The following FSIP1 variants were observed in gnomAD, a reference collection of about 807,000 sequenced individuals.
FSIP1 encodes fibrous sheath interacting protein 1, also known as fibrous sheath-interacting protein 1.
A neutral mutation model predicts 60.9 loss-of-function variants in FSIP1; 65 were observed. The observed-to-expected ratio is 1.07, with a 90% confidence interval of 0.87 to 1.31. FSIP1 has a LOEUF of 1.31. FSIP1 is among the 40% of genes most tolerant of loss of function. The pLI is 0.00. For synonymous variants in FSIP1, 209 were observed against 221.2 expected (o/e 0.94, Z 0.49); for missense variants, 675 against 665.5 (o/e 1.01, Z -0.16).
chr15:39,727,893 T>C (rs1328366456), intron 8 of FSIP1, among the ~76,000 whole-genome samples: 2 of 152,160 alleles, frequency 1.3e-5, no homozygotes, highest in African/African-American at 2.4e-5. Context: ...AACCCCATAG[T>C]CTCTGATCAA....
At chr15:39,668,687 G>A (rs1032747011) in intron 10 of FSIP1, among the ~76,000 whole-genome samples, 17 of 152,206 alleles carry the variant, frequency 1.1e-4, no homozygotes, top group South Asian at 1.0e-3. Flanking sequence ...CAGAGCCAGA[G>A]AGAACATGAA....
chr15:39,750,378 A>T (rs1300774201), intron 5 of FSIP1, among the ~76,000 whole-genome samples: 3 of 152,136 alleles, frequency 2.0e-5, no homozygotes, highest in Non-Finnish European at 4.4e-5. Flanking sequence ...TCACACAGAA[A>T]GGTGATCAAA....
chr15:39,617,760 G>A lies in FSIP1; in HGVS notation c.1674C>T (p.Leu558=). ...CTGCTATTGTATTCTCTGGAGAACT[G>A]AGTTTCAGATGTTGGTCTTCTGATG... is the stretch of plus-strand genomic sequence containing the variant. ...SLSSEDQHLK[L]SSPENTIADE... Residue 558 remains leucine (L), a synonymous_variant, in exon 11 of 12, where the codon CTC becomes CTT. Coordinates refer to ENST00000350221, the MANE Select transcript of FSIP1 (RefSeq NM_152597.5). The A allele has an allele frequency of 3.7e-6, 6 of 1,613,570 alleles. No homozygotes were observed. Among genetic ancestry groups the A allele is most frequent in the Non-Finnish European group, 5.1e-6 (6 of 1,179,728 alleles).
Position 39,600,870 on chromosome 15 carries a change from A to G in FSIP1, c.*10T>C. On this transcript the variant is annotated 3_prime_UTR_variant, in exon 12 of 12. Transcript: ENST00000350221. The stretch of plus-strand genomic sequence containing the variant: ...CAACTTTCTGAAAAGCACACCCAGC[A>G]AGTCCTTGATTAGGGTTCTTTACAT... 1 of 1,600,300 alleles carries G rather than the reference A, an allele frequency of 6.2e-7. No homozygotes were observed. The highest frequency in any genetic ancestry group is 8.5e-7 in the Non-Finnish European group (1 of 1,175,162).
chr15:39,618,061 G>C lies in FSIP1; in HGVS notation c.1373C>G (p.Thr458Arg), dbSNP rs1444285090. The C allele has an allele frequency of 9.3e-6, 15 of 1,614,142 alleles. No homozygotes were observed. The highest frequency in any genetic ancestry group is 1.2e-5 in the Non-Finnish European group (14 of 1,179,994). ...IISKLLNESETKVQKTEVEDA... is the reference protein window; with the variant it reads ...IISKLLNESERKVQKTEVEDA... ...TTCTACCTCAGTTTTCTGGACCTTT[G>C]TTTCTGATTCATTTAGCAATTTAGA... Residue 458 changes from threonine to arginine, a missense_variant, in exon 11 of 12, where the codon ACA becomes AGA. Thr to Arg is a moderately conservative substitution (Grantham distance 71). Transcript: ENST00000350221.
intron 6 of FSIP1, 23 bp downstream of exon 6, chr15:39,741,782 T>C (rs1174764004): frequency 2.5e-6 from 3 of 1,183,626 alleles, no homozygotes; most frequent in South Asian, 1.2e-5. Context: ...AAAATGTGTA[T>C]AATCACACAA....
chr15:39,667,186 C>A (rs1893529367), intron 10 of FSIP1, among the ~76,000 whole-genome samples: 1 of 152,174 alleles, frequency 6.6e-6, no homozygotes, highest in Non-Finnish European at 1.5e-5. Context: ...TAAAGGTTAT[C>A]ACTTCTCATA....
chr15:39,644,717 G>GAA (rs200100442), intron 10 of FSIP1, among the ~76,000 whole-genome samples: 7 of 145,378 alleles, frequency 4.8e-5, no homozygotes, highest in African/African-American at 1.0e-4. Flanking sequence ...GGCAAGTACT[G>GAA]AAAAAAAAAA....
intron 10 of FSIP1, among the ~76,000 whole-genome samples, chr15:39,676,689 C>T (rs990273165): frequency 6.6e-6 from 1 of 152,126 alleles, no homozygotes; most frequent in African/African-American, 2.4e-5. Context: ...AGTAGTTATA[C>T]ATATATAGAG....
chr15:39,701,246 G>T (rs1371835170), intron 10 of FSIP1, among the ~76,000 whole-genome samples: 2 of 151,986 alleles, frequency 1.3e-5, no homozygotes, highest in African/African-American at 4.8e-5. Flanking sequence ...AAGTTGGGGT[G>T]ATAAGAATTA....
Position 39,703,201 on chromosome 15 carries a change from C to T in FSIP1, c.1188+10243G>A, listed in dbSNP as rs1043774501. On this transcript the variant is annotated intron_variant, in intron 10 of 11. Transcript: ENST00000350221. Reference sequence around the variant, plus strand: ...TTTGCCATAGTGGTCAGGCTGGTCTCGAACTCCCAACCTCAGGTGATCCAC... The same window carrying T: ...TTTGCCATAGTGGTCAGGCTGGTCTTGAACTCCCAACCTCAGGTGATCCAC... Among the ~76,000 whole-genome samples, 5 of 152,156 alleles carry T rather than the reference C, an allele frequency of 3.3e-5. No homozygotes were observed. The East Asian group carries it at 7.7e-4, about 24-fold the overall frequency.
At chr15:39,778,890 A>G (rs1898153323) in intron 1 of FSIP1, among the ~76,000 whole-genome samples, 1 of 152,186 alleles carries the variant, frequency 6.6e-6, no homozygotes, top group East Asian at 1.9e-4. Flanking sequence ...GAAGGAACAT[A>G]AAGATAAATT....
intron 10 of FSIP1, among the ~76,000 whole-genome samples, chr15:39,688,044 T>G (rs1026506214): frequency 1.3e-5 from 2 of 152,188 alleles, no homozygotes; most frequent in African/African-American, 4.8e-5. Context: ...CATGGAACTA[T>G]ATTGGTAGGA....
intron 5 of FSIP1, among the ~76,000 whole-genome samples, chr15:39,762,329 G>A (rs901953080): frequency 6.6e-6 from 1 of 152,154 alleles, no homozygotes; most frequent in Admixed American, 6.5e-5. Context: ...AGCAATCCTT[G>A]CATTCCTTGG....
chr15:39,733,194 C>A (rs553381080), intron 8 of FSIP1, among the ~76,000 whole-genome samples: 1 of 152,150 alleles, frequency 6.6e-6, no homozygotes, highest in Non-Finnish European at 1.5e-5. Flanking sequence ...CCAAACCTGG[C>A]TAATTGTTGT....
chr15:39,676,079 A>T (rs2140477964), intron 10 of FSIP1, among the ~76,000 whole-genome samples: 1 of 151,814 alleles, frequency 6.6e-6, no homozygotes, highest in South Asian at 2.1e-4. Flanking sequence ...AGGCTGAGGC[A>T]GAAGAATGGC....
Position 39,726,709 on chromosome 15 carries a change from A to G in FSIP1, c.930T>C (p.Tyr310=), listed in dbSNP as rs2140595376. ...QSGWVVPVKG[Y]ELAVTQHQQL... ...GCTGATGCTGGGTGACTGCAAGTTC[A>G]TATCCTTTTACTGGGACCACCCAGC... Residue 310 remains tyrosine, a synonymous_variant, in exon 9 of 12, where the codon TAT becomes TAC. Coordinates refer to ENST00000350221, the MANE Select transcript of FSIP1 (RefSeq NM_152597.5). 3 of 1,614,118 alleles carry G rather than the reference A, an allele frequency of 1.9e-6. No individual in the cohort carries two copies. The highest frequency in any genetic ancestry group is 2.5e-6 in the Non-Finnish European group (3 of 1,180,002).
At chr15:39,701,936 T>C (rs1895076821) in intron 10 of FSIP1, among the ~76,000 whole-genome samples, 2 of 152,192 alleles carry the variant, frequency 1.3e-5, no homozygotes, top group Admixed American at 6.5e-5. Context: ...GATTTCCCTT[T>C]CCTTCTACCA....
intron 9 of FSIP1, among the ~76,000 whole-genome samples, chr15:39,723,895 C>T (rs906918947): frequency 8.5e-5 from 13 of 152,178 alleles, no homozygotes; most frequent in African/African-American, 2.9e-4. Flanking sequence ...AGCATTCCTG[C>T]TTTGAAAATT....
Sources: gnomAD v4.1 joint callset for allele counts (sites outside exome capture counted in the v4.1 genomes callset) on GRCh38, gnomAD v4.1.1 for gene constraint, MANE v1.5 for transcripts, NCBI Gene and HGNC (gene_info 2026-07-23, HGNC 2026-07-21) for gene names.